Variants in TMEFF2 observed in about 807,000 individuals in gnomAD.
The protein encoded by TMEFF2 is transmembrane protein with EGF like and two follistatin like domains 2, also known as tomoregulin-2.
A neutral mutation model predicts 53.8 loss-of-function variants in TMEFF2; 28 were observed. That is an observed-to-expected ratio of 0.52 (90% confidence interval 0.39 to 0.71). The LOEUF is 0.71. TMEFF2 is among the 30% of genes least tolerant of loss of function. TMEFF2 has a pLI of 0.00. For missense variants in TMEFF2, 353 were observed against 455.2 expected (o/e 0.78, Z 2.04); for synonymous variants, 162 against 166.3 (o/e 0.97, Z 0.20).
chr2:192,027,480 G>A (rs2105867843), intron 5 of TMEFF2, among the ~76,000 whole-genome samples: 1 of 152,276 alleles, frequency 6.6e-6, no homozygotes, highest in South Asian at 2.1e-4. Context: ...TATATAGAGA[G>A]TATACGAAAG....
chr2:192,180,108 G>T (rs1369284207), intron 3 of TMEFF2, among the ~76,000 whole-genome samples: 1 of 151,526 alleles, frequency 6.6e-6, no homozygotes, highest in Non-Finnish European at 1.5e-5. Flanking sequence ...TTGTATTCTT[G>T]CAAATTGCAT....
intron 4 of TMEFF2, among the ~76,000 whole-genome samples, chr2:192,155,538 C>T (rs1297370368): frequency 6.6e-6 from 1 of 151,926 alleles, no homozygotes; most frequent in Non-Finnish European, 1.5e-5. Context: ...AGTAGGATTG[C>T]TGTATTTGGA....
At position 191,964,306 on chromosome 2, in the gene TMEFF2, T is replaced by TCCTTC. The variant is rs1481496257; in HGVS notation, c.746-7929_746-7928insGAAGG. On this transcript the variant is annotated intron_variant, in intron 7 of 9. Coordinates refer to ENST00000272771, the MANE Select transcript of TMEFF2 (RefSeq NM_016192.4). ...CCTTTTCCTTCTTTCCTTCTTTCCT[T>TCCTTC]CTTTCTTTCCTTCCTTCCTTTCTTT... is the stretch of plus-strand genomic sequence containing the variant. Among the ~76,000 whole-genome samples the TCCTTC allele has an allele frequency of 3.6e-4, 53 of 148,076 alleles. 5 individuals carry two copies. The highest frequency in any genetic ancestry group is 1.3e-3 in the African/African-American group (50 of 38,906).
At chr2:192,073,558 T>A (rs950901526) in intron 4 of TMEFF2, among the ~76,000 whole-genome samples, 4 of 151,980 alleles carry the variant, frequency 2.6e-5, no homozygotes, top group Non-Finnish European at 5.9e-5. Context: ...AAGAAGCCAG[T>A]TGCATTCTTG....
At chr2:192,114,047 T>G (rs1408085716) in intron 4 of TMEFF2, among the ~76,000 whole-genome samples, 4 of 148,030 alleles carry the variant, frequency 2.7e-5, no homozygotes, top group African/African-American at 1.0e-4. Flanking sequence ...AGAACAATAT[T>G]GAATAAAATC....
At chr2:191,950,466 T>C in intron 9 of TMEFF2, 59 bp from the exon 10 acceptor site, 1 of 1,611,638 alleles carries the variant, frequency 6.2e-7, no homozygotes, top group Non-Finnish European at 8.5e-7. Flanking sequence ...AGTTTGGCCC[T>C]ACAATCACAG....
chr2:191,968,139 G>T (rs1267562080), intron 7 of TMEFF2, among the ~76,000 whole-genome samples: 1 of 152,178 alleles, frequency 6.6e-6, no homozygotes, highest in Non-Finnish European at 1.5e-5. Flanking sequence ...CTGTGTGAAA[G>T]CAAATGAAGC....
chr2:192,010,800 G>A (rs1686608519), intron 5 of TMEFF2, among the ~76,000 whole-genome samples: 1 of 152,098 alleles, frequency 6.6e-6, no homozygotes. Flanking sequence ...ACACCTGGCG[G>A]GTACAAAAAA....
At chr2:192,106,771 A>G (rs1048428877) in intron 4 of TMEFF2, among the ~76,000 whole-genome samples, 1 of 151,892 alleles carries the variant, frequency 6.6e-6, no homozygotes, top group Non-Finnish European at 1.5e-5. Context: ...AATAAAGCAC[A>G]TAAAGCCTAA....
chr2:192,101,925 C>T (rs1013688049), intron 4 of TMEFF2, among the ~76,000 whole-genome samples: 4 of 152,152 alleles, frequency 2.6e-5, no homozygotes, highest in African/African-American at 9.7e-5. Context: ...CTGTGCTTTA[C>T]AGTTTCCCTA....
chr2:192,118,199 GTTT>G (rs918303444), intron 4 of TMEFF2, among the ~76,000 whole-genome samples: 1 of 152,080 alleles, frequency 6.6e-6, no homozygotes, highest in East Asian at 1.9e-4. Flanking sequence ...CAAAATGGAA[GTTT>G]TTTTAGCAAG....
chr2:192,003,106 T>C (rs1161249069), intron 5 of TMEFF2, among the ~76,000 whole-genome samples: 2 of 152,186 alleles, frequency 1.3e-5, no homozygotes, highest in East Asian at 3.8e-4. Flanking sequence ...ACCCGCCCAA[T>C]ATCTTGCACA....
intron 7 of TMEFF2, among the ~76,000 whole-genome samples, chr2:191,989,080 A>G (rs563547720): frequency 2.0e-5 from 3 of 152,354 alleles, no homozygotes; most frequent in African/African-American, 7.2e-5. Flanking sequence ...AACTTTGTGA[A>G]AAAACATTTG....
intron 4 of TMEFF2, among the ~76,000 whole-genome samples, chr2:192,085,723 C>A (rs567924982): frequency 4.4e-4 from 60 of 135,188 alleles, no homozygotes; most frequent in African/African-American, 1.2e-3. Flanking sequence ...AAAAAAAAAA[C>A]CACAAAAGAG....
At chr2:192,188,459 A>G (rs1691370918) in intron 2 of TMEFF2, among the ~76,000 whole-genome samples, 1 of 152,192 alleles carries the variant, frequency 6.6e-6, no homozygotes, top group South Asian at 2.1e-4. Context: ...AAGCCTTTGA[A>G]TTCCCTCCCC....
intron 4 of TMEFF2, among the ~76,000 whole-genome samples, chr2:192,087,081 A>G (rs1390898970): frequency 1.3e-5 from 2 of 150,884 alleles, no homozygotes; most frequent in Non-Finnish European, 3.0e-5. Context: ...TTATGTATTT[A>G]TTATAAACAA....
intron 4 of TMEFF2, among the ~76,000 whole-genome samples, chr2:192,059,829 C>G (rs934288832): frequency 6.6e-6 from 1 of 152,096 alleles, no homozygotes; most frequent in Non-Finnish European, 1.5e-5. Flanking sequence ...TAGGAATACC[C>G]CCATCAATAA....
intron 4 of TMEFF2, among the ~76,000 whole-genome samples, chr2:192,072,383 T>C (rs1688311414): frequency 6.6e-6 from 1 of 151,952 alleles, no homozygotes; most frequent in African/African-American, 2.4e-5. Flanking sequence ...TTAAAGCACT[T>C]TGATACAAAG....
At chr2:192,146,381 G>A (rs189027631) in intron 4 of TMEFF2, among the ~76,000 whole-genome samples, 1 of 152,104 alleles carries the variant, frequency 6.6e-6, no homozygotes, top group African/African-American at 2.4e-5. Flanking sequence ...GGGAGGAAGA[G>A]ATCTGAGACT....
Sources: gnomAD v4.1 joint callset for allele counts (sites outside exome capture counted in the v4.1 genomes callset) on GRCh38, gnomAD v4.1.1 for gene constraint, MANE v1.5 for transcripts, NCBI Gene and HGNC (gene_info 2026-07-23, HGNC 2026-07-21) for gene names.